Variants in PTPRM observed in about 807,000 individuals in gnomAD.
PTPRM encodes receptor-type tyrosine-protein phosphatase mu.
In PTPRM, 47 loss-of-function variants were observed where a neutral mutation model predicts 186.7. The observed-to-expected ratio is 0.25, with a 90% CI of 0.20 to 0.32. The LOEUF is 0.32. PTPRM is among the 10% of genes least tolerant of loss of function. The pLI, the probability that PTPRM is intolerant of heterozygous loss-of-function variation, is 1.00. For missense variants in PTPRM, 1,494 were observed against 1,865.0 expected, an observed-to-expected ratio of 0.80 and a Z score of 3.66; for synonymous variants, 668 against 674.9, an observed-to-expected ratio of 0.99 and a Z score of 0.16.
At position 7,800,370 on chromosome 18, in the gene PTPRM, A is replaced by G. The variant is rs541175745; in HGVS notation, c.196+26099A>G. On this transcript the variant is annotated intron_variant, in intron 2 of 32. Transcript: ENST00000580170. ...AAATTCATGTTTTTCCTCCAATGCAATGGAACCTTGTGCATGATACTGGGG... is the reference window on the plus strand; with the variant it reads ...AAATTCATGTTTTTCCTCCAATGCAGTGGAACCTTGTGCATGATACTGGGG... 9.2e-5 allele frequency among the ~76,000 whole-genome samples: 14 copies of G among 152,318 alleles called. No homozygotes were observed. In the East Asian group the frequency reaches 1.5e-3, roughly 17 times the overall value.
chr18:7,833,086 A>G (rs1334594631), intron 2 of PTPRM, among the ~76,000 whole-genome samples: 5 of 151,908 alleles, frequency 3.3e-5, no homozygotes, highest in Admixed American at 3.3e-4. Flanking sequence ...TGCTTAGGAT[A>G]GCTTTGACTA....
intron 2 of PTPRM, among the ~76,000 whole-genome samples, chr18:7,826,997 G>A (rs2045519012): frequency 6.6e-6 from 1 of 152,172 alleles, no homozygotes; most frequent in East Asian, 1.9e-4. Context: ...AGGTACTTGG[G>A]AGGCTGAGGT....
intron 1 of PTPRM, among the ~76,000 whole-genome samples, chr18:7,650,175 T>A (rs942594597): frequency 6.6e-6 from 1 of 152,118 alleles, no homozygotes; most frequent in Non-Finnish European, 1.5e-5. Context: ...CTGCAGGGTG[T>A]ACTACAGGAC....
chr18:7,929,045 T>G (rs1447120871), intron 5 of PTPRM, among the ~76,000 whole-genome samples: 1 of 152,210 alleles, frequency 6.6e-6, no homozygotes, highest in African/African-American at 2.4e-5. Context: ...TTGTTTTTTT[T>G]CACAAATGTC....
At chr18:8,394,338 C>G (rs2095834770) in intron 31 of PTPRM, 138 bp from the exon 32 acceptor site, 1 of 910,472 alleles carries the variant, frequency 1.1e-6, no homozygotes, top group Non-Finnish European at 1.6e-6. Flanking sequence ...AAGAATCTGC[C>G]CAGGTAAGAG....
chr18:7,804,558 A>G (rs1238340783), intron 2 of PTPRM, among the ~76,000 whole-genome samples: 1 of 152,148 alleles, frequency 6.6e-6, no homozygotes, highest in African/African-American at 2.4e-5. Context: ...AACCTATCAT[A>G]TTATTGCTGT....
chr18:7,789,254 G>C (rs2043226639), intron 2 of PTPRM, among the ~76,000 whole-genome samples: 2 of 152,146 alleles, frequency 1.3e-5, no homozygotes, highest in Non-Finnish European at 2.9e-5. Context: ...GAGCCAAGGA[G>C]GTTGAGGCTG....
chr18:7,612,817 G>A (rs2037708339), intron 1 of PTPRM, among the ~76,000 whole-genome samples: 3 of 152,194 alleles, frequency 2.0e-5, no homozygotes, highest in Admixed American at 2.0e-4. Flanking sequence ...GCCAGTCACT[G>A]CAAGAAGGCT....
At chr18:8,132,073 G>A (rs1374971015) in intron 13 of PTPRM, among the ~76,000 whole-genome samples, 1 of 152,164 alleles carries the variant, frequency 6.6e-6, no homozygotes, top group Admixed American at 6.6e-5. Context: ...TTATAACATA[G>A]TTTATTCAAG....
chr18:7,836,304 A>G (rs1330894675), intron 2 of PTPRM, among the ~76,000 whole-genome samples: 2 of 152,152 alleles, frequency 1.3e-5, no homozygotes, highest in Non-Finnish European at 2.9e-5. Flanking sequence ...TGCAAATACT[A>G]TTGTATAACT....
At chr18:7,736,497 G>T (rs776746265) in intron 1 of PTPRM, among the ~76,000 whole-genome samples, 2 of 151,986 alleles carry the variant, frequency 1.3e-5, no homozygotes, top group Admixed American at 6.6e-5. Context: ...CTCAGACACC[G>T]AGTTGTAGAA....
chr18:8,256,714 G>A (rs897796599), intron 19 of PTPRM, among the ~76,000 whole-genome samples: 7 of 152,136 alleles, frequency 4.6e-5, no homozygotes, highest in Non-Finnish European at 5.9e-5. Flanking sequence ...AAAAATTCCC[G>A]TTAACAAGTA....
rs2038027975 is a variant in PTPRM, at chr18:7,625,050, T to C, written c.73+57159T>C. Among the ~76,000 whole-genome samples, 7 of 152,282 alleles carry C rather than the reference T, an allele frequency of 4.6e-5. No homozygotes were observed. In the South Asian group the frequency reaches 1.4e-3, roughly 32 times the overall value. On this transcript the variant is annotated intron_variant, in intron 1 of 32. Transcript: ENST00000580170. The stretch of plus-strand genomic sequence containing the variant: ...TGATCACTTTTTGCCTCTAACAGAA[T>C]TTACAGAAACTCTACAAGAGCTTGA...
At chr18:7,757,086 G>A (rs1002263273) in intron 1 of PTPRM, among the ~76,000 whole-genome samples, 1 of 152,092 alleles carries the variant, frequency 6.6e-6, no homozygotes, top group African/African-American at 2.4e-5. Context: ...CTTTTGGAAT[G>A]CTCTGTATGT....
intron 7 of PTPRM, among the ~76,000 whole-genome samples, chr18:7,962,875 C>T (rs968704306): frequency 1.3e-5 from 2 of 152,240 alleles, no homozygotes; most frequent in African/African-American, 4.8e-5. Flanking sequence ...ACTTACAGGG[C>T]TGACCCTCAG....
intron 1 of PTPRM, among the ~76,000 whole-genome samples, chr18:7,687,319 A>G (rs1158096715): frequency 1.3e-5 from 2 of 152,206 alleles, no homozygotes; most frequent in Admixed American, 1.3e-4. Context: ...CTGGCAAGGA[A>G]ATAATAGCAT....
intron 1 of PTPRM, among the ~76,000 whole-genome samples, chr18:7,730,315 CTGTT>C (rs536660496): frequency 2.6e-5 from 4 of 152,242 alleles, no homozygotes; most frequent in Admixed American, 2.6e-4. Flanking sequence ...TTGTCTGACA[CTGTT>C]TGAATATTTA....
chr18:7,913,190 A>ATTGATTGT (rs368643272), intron 4 of PTPRM, among the ~76,000 whole-genome samples: 7 of 151,920 alleles, frequency 4.6e-5, no homozygotes, highest in East Asian at 1.9e-4. Flanking sequence ...TTGATCTTGT[A>ATTGATTGT]TCCCGAGATC....
chr18:7,688,415 G>T (rs1886839977), intron 1 of PTPRM, among the ~76,000 whole-genome samples: 3 of 152,178 alleles, frequency 2.0e-5, no homozygotes, highest in Non-Finnish European at 4.4e-5. Flanking sequence ...AAATACACAA[G>T]ATGGTCCTTC....
Sources: allele counts gnomAD v4.1 joint callset (sites outside exome capture counted in the v4.1 genomes callset), GRCh38; gene constraint gnomAD v4.1.1; transcripts MANE v1.5; gene names NCBI Gene and HGNC (gene_info 2026-07-23, HGNC 2026-07-21).